Variants in CNTNAP2 observed in about 807,000 individuals in gnomAD.
CNTNAP2 encodes the protein contactin-associated protein-like 2.
A neutral mutation model predicts 155.2 loss-of-function variants in CNTNAP2; 98 were observed. The ratio of observed to expected loss-of-function variants is 0.63; its 90% CI spans 0.54 to 0.75. The LOEUF (loss-of-function observed/expected upper bound fraction) is 0.75, where lower values mean the gene tolerates loss of function less well. Among genes scored for constraint, CNTNAP2 ranks in the 30% least tolerant of loss-of-function variants. The probability of loss-of-function intolerance (pLI) is 0.00; values close to 1 mark genes in which losing one functional copy is unlikely to be tolerated. For synonymous variants in CNTNAP2, 651 were observed against 631.2 expected, an observed-to-expected ratio of 1.03 and a Z score of -0.47; for missense variants, 1,727 against 1,688.1, an observed-to-expected ratio of 1.02 and a Z score of -0.40.
chr7:148,217,945 C>T (rs541106292), intron 19 of CNTNAP2, among the ~76,000 whole-genome samples: 10 of 152,196 alleles, frequency 6.6e-5, no homozygotes, highest in Non-Finnish European at 8.8e-5. Flanking sequence ...GCCAATATGG[C>T]GAAACCCCAT....
At chr7:147,594,565 A>G (rs1045665119) in intron 12 of CNTNAP2, among the ~76,000 whole-genome samples, 17 of 152,190 alleles carry the variant, frequency 1.1e-4, no homozygotes, top group African/African-American at 4.1e-4. Context: ...TTGAAATACT[A>G]TCTGATCTGC....
intron 18 of CNTNAP2, among the ~76,000 whole-genome samples, chr7:148,179,198 G>A (rs1215262140): frequency 1.3e-5 from 2 of 152,086 alleles, no homozygotes; most frequent in African/African-American, 4.8e-5. Flanking sequence ...CCTGACTCAA[G>A]GCCCATCAGG....
chr7:147,677,877 C>T (rs554527307), intron 13 of CNTNAP2, among the ~76,000 whole-genome samples: 90 of 151,692 alleles, frequency 5.9e-4, no homozygotes, highest in Admixed American at 3.0e-3. Context: ...TTGTTCTACA[C>T]GTCTGTTTTT....
At chr7:147,053,370 G>A (rs1252052708) in intron 4 of CNTNAP2, among the ~76,000 whole-genome samples, 1 of 152,114 alleles carries the variant, frequency 6.6e-6, no homozygotes, top group African/African-American at 2.4e-5. Flanking sequence ...TGTTTACTTG[G>A]AAGAAACTTA....
intron 1 of CNTNAP2, among the ~76,000 whole-genome samples, chr7:146,312,519 G>A (rs1800841970): frequency 6.6e-6 from 1 of 152,112 alleles, no homozygotes; most frequent in Admixed American, 6.5e-5. Context: ...ATTATAGAAA[G>A]TTTCAGTCAA....
chr7:146,788,167 C>T (rs147901732), intron 2 of CNTNAP2, among the ~76,000 whole-genome samples: 1,633 of 152,252 alleles, frequency 0.011, 31 homozygotes, highest in African/African-American at 0.037. Flanking sequence ...CGCGGGCTGG[C>T]CACCAAGCCG....
intron 12 of CNTNAP2, among the ~76,000 whole-genome samples, chr7:147,608,872 C>T (rs1395822808): frequency 1.3e-5 from 2 of 152,038 alleles, no homozygotes; most frequent in Admixed American, 1.3e-4. Flanking sequence ...TGGAAAATTA[C>T]AGTCAAAGGG....
At chr7:147,696,892 T>C (rs1796168954) in intron 13 of CNTNAP2, among the ~76,000 whole-genome samples, 1 of 152,158 alleles carries the variant, frequency 6.6e-6, no homozygotes, top group African/African-American at 2.4e-5. Context: ...AAGTGAAGTG[T>C]TTTTCCCTCC....
intron 10 of CNTNAP2, among the ~76,000 whole-genome samples, chr7:147,419,266 C>T (rs1010894935): frequency 3.9e-5 from 6 of 152,142 alleles, no homozygotes; most frequent in Non-Finnish European, 8.8e-5. Flanking sequence ...CAGGCAAGTT[C>T]CCTGTTGCTT....
intron 9 of CNTNAP2, among the ~76,000 whole-genome samples, chr7:147,389,025 C>T (rs1445774507): frequency 6.6e-6 from 1 of 152,042 alleles, no homozygotes; most frequent in African/African-American, 2.4e-5. Context: ...CCTCTGTGCA[C>T]AGGTCCTGGA....
At chr7:146,161,149 A>G (rs1584779725) in intron 1 of CNTNAP2, among the ~76,000 whole-genome samples, 1 of 152,352 alleles carries the variant, frequency 6.6e-6, no homozygotes, top group African/African-American at 2.4e-5. Flanking sequence ...AAAATTCAAC[A>G]GCCCTTCATG....
At chr7:146,579,894 A>T (rs567961564) in intron 1 of CNTNAP2, among the ~76,000 whole-genome samples, 1 of 152,108 alleles carries the variant, frequency 6.6e-6, no homozygotes, top group East Asian at 1.9e-4. Flanking sequence ...TTCACTTTTA[A>T]CCCACGTTCT....
chr7:146,877,329 C>G (rs1795449811), intron 3 of CNTNAP2, among the ~76,000 whole-genome samples: 1 of 151,626 alleles, frequency 6.6e-6, no homozygotes, highest in Non-Finnish European at 1.5e-5. Context: ...TAGTGAGACC[C>G]CCCCATCTCT....
chr7:146,719,625 CT>C (rs1801250986), intron 1 of CNTNAP2, among the ~76,000 whole-genome samples: 1 of 151,980 alleles, frequency 6.6e-6, no homozygotes, highest in Non-Finnish European at 1.5e-5. Flanking sequence ...ATTTTGCTAT[CT>C]TTACATATTC....
At chr7:146,742,010 C>T (rs576661080) in intron 1 of CNTNAP2, among the ~76,000 whole-genome samples, 17 of 151,816 alleles carry the variant, frequency 1.1e-4, no homozygotes, top group Admixed American at 1.0e-3. Flanking sequence ...ACTCTCCTTA[C>T]TGAACAAAAC....
chr7:146,444,749 C>G (rs1796377441), intron 1 of CNTNAP2, among the ~76,000 whole-genome samples: 1 of 151,476 alleles, frequency 6.6e-6, no homozygotes, highest in African/African-American at 2.4e-5. Context: ...CTTCTGCCCC[C>G]CAGGTTCAAG....
chr7:146,258,242 C>T (rs1203576742), intron 1 of CNTNAP2, among the ~76,000 whole-genome samples: 1 of 151,974 alleles, frequency 6.6e-6, no homozygotes, highest in Non-Finnish European at 1.5e-5. Context: ...TGAGAAGTTA[C>T]TATATAAGAA....
intron 13 of CNTNAP2, among the ~76,000 whole-genome samples, chr7:147,703,445 T>C (rs1323489751): frequency 6.6e-6 from 1 of 152,216 alleles, no homozygotes; most frequent in Non-Finnish European, 1.5e-5. Flanking sequence ...ATTTCAGTTA[T>C]GTTAGTAAAT....
chr7:146,935,773 G>C (rs1267694410), intron 3 of CNTNAP2, among the ~76,000 whole-genome samples: 3 of 152,160 alleles, frequency 2.0e-5, no homozygotes, highest in African/African-American at 7.2e-5. Context: ...CAGACACTCA[G>C]TTGTAGGGGA....
Sources: allele counts gnomAD v4.1 joint callset (sites outside exome capture counted in the v4.1 genomes callset), GRCh38; gene constraint gnomAD v4.1.1; transcripts MANE v1.5; gene names NCBI Gene and HGNC (gene_info 2026-07-23, HGNC 2026-07-21).